MINAR1: variants seen among roughly 807,000 people sequenced by gnomAD.
MINAR1 encodes the protein major intrinsically disordered Notch2-binding receptor 1.
A neutral mutation model predicts 65.1 loss-of-function variants in MINAR1; 40 were observed. The observed-to-expected ratio is 0.61, with a 90% CI of 0.48 to 0.80. The LOEUF (loss-of-function observed/expected upper bound fraction) is 0.80, where lower values mean the gene tolerates loss of function less well. MINAR1 is among the 30% of genes least tolerant of loss of function. The probability of loss-of-function intolerance (pLI) is 0.00; values close to 1 mark genes in which losing one functional copy is unlikely to be tolerated. For missense variants in MINAR1, 1,128 were observed against 1,148.0 expected, an observed-to-expected ratio of 0.98 and a Z score of 0.25; for synonymous variants, 482 against 449.1, an observed-to-expected ratio of 1.07 and a Z score of -0.93.
In MINAR1 at chr15:79,457,041, C is replaced by G. The variant is rs1895449554; in HGVS notation, c.894C>G (p.Pro298=). The G allele has an allele frequency of 6.2e-7, 1 of 1,613,960 alleles. No individual in the cohort carries two copies. Among genetic ancestry groups the G allele is most frequent in the Non-Finnish European group, 8.5e-7 (1 of 1,179,916 alleles). Residue 298 remains proline (P), a synonymous_variant, in exon 2 of 4, where the codon CCC becomes CCG. Transcript: ENST00000305428. The part of the protein sequence containing the change: ...PQSRKEPHKP[P]FFNHSFEMPY... ...GTCGAAAGGAACCCCACAAGCCACC[C>G]TTCTTCAACCACAGCTTTGAAATGC... is the stretch of plus-strand genomic sequence containing the variant.
the MINAR1 span, chr15:79,415,158 G>A: frequency 6.6e-6 from 1 of 152,276 alleles, no homozygotes; most frequent in Non-Finnish European, 1.5e-5. Context: ...CCAGGGTGAG[G>A]GGCCCTGCCA....
chr15:79,466,902 A>G (rs915529243), intron 3 of MINAR1, among the ~76,000 whole-genome samples: 6 of 152,184 alleles, frequency 3.9e-5, no homozygotes, highest in African/African-American at 1.2e-4. Flanking sequence ...CAGGTGTCCA[A>G]TAGGAGCTGG....
At chr15:79,443,877 C>A (rs1301139608) in intron 1 of MINAR1, among the ~76,000 whole-genome samples, 3 of 152,094 alleles carry the variant, frequency 2.0e-5, no homozygotes, top group African/African-American at 7.2e-5. Context: ...TACCAAATTG[C>A]CCTCTAAAGT....
upstream of MINAR1, among the ~76,000 whole-genome samples, chr15:79,428,397 TCTCCCTCC>T (rs1201501061): frequency 1.6e-4 from 13 of 79,598 alleles, no homozygotes; most frequent in South Asian, 7.6e-3. Context: ...CCTCTCCCTC[TCTCCCTCC>T]CTCCCTCCTT....
intron 1 of MINAR1, among the ~76,000 whole-genome samples, chr15:79,454,345 C>T (rs1324469666): frequency 6.6e-6 from 1 of 152,220 alleles, no homozygotes; most frequent in Non-Finnish European, 1.5e-5. Flanking sequence ...GGAGAGAAAG[C>T]TCATTACCTC....
At chr15:79,425,823 C>CACCA in the MINAR1 span, 2 of 152,380 alleles carry the variant, frequency 1.3e-5, no homozygotes, top group African/African-American at 4.8e-5. Flanking sequence ...TTGGTCAGTA[C>CACCA]ACCACACTTT....
In MINAR1 at chr15:79,446,853, T is replaced by C. The variant is rs565834034; in HGVS notation, c.-50-9245T>C. 2.0e-5 allele frequency among the ~76,000 whole-genome samples: 3 copies of C among 152,318 alleles called. No individual in the cohort carries two copies. In the South Asian group the frequency reaches 6.2e-4, roughly 32 times the overall value. ...CTTATCCTTCTATGCTCATGTCTCTTAAGCTTGATTTAATGGTTTTTGTTG... is the reference window on the plus strand; with the variant it reads ...CTTATCCTTCTATGCTCATGTCTCTCAAGCTTGATTTAATGGTTTTTGTTG... On this transcript the variant is annotated intron_variant, in intron 1 of 3. Coordinates refer to ENST00000305428, the MANE Select transcript of MINAR1 (RefSeq NM_015206.3).
Position 79,463,233 on chromosome 15 carries a change from AG to A in MINAR1, c.2467del (p.Val823Ter). 2 of 1,614,216 alleles carry A rather than the reference AG, an allele frequency of 1.2e-6. No individual in the cohort carries two copies. The highest frequency in any genetic ancestry group is 1.7e-6 in the Non-Finnish European group (2 of 1,180,046). On this transcript the variant is annotated frameshift_variant, in exon 3 of 4. Transcript: ENST00000305428. LOFTEE classifies it high-confidence loss of function. ...GACATGCGGCTGACCGAGTTGGCCG[AG>A]GTGAAGCGGGGCCAACCTTCTTGGA... ...YTDMRLTELA[E>X]VKRGQPSWTI...
chr15:79,452,436 C>CTGTG (rs367551688), intron 1 of MINAR1, among the ~76,000 whole-genome samples: 1 of 149,886 alleles, frequency 6.7e-6, no homozygotes, highest in South Asian at 2.1e-4. Flanking sequence ...GTGGGTGAGT[C>CTGTG]TGTGTGAGTG....
chr15:79,436,112 A>T (rs1412927075), intron 1 of MINAR1, among the ~76,000 whole-genome samples: 3 of 152,222 alleles, frequency 2.0e-5, no homozygotes, highest in South Asian at 2.1e-4. Flanking sequence ...GGGATTGAGG[A>T]TGATGTGGAG....
chr15:79,458,124 C>G lies in MINAR1; in HGVS notation c.1977C>G (p.Ala659=), dbSNP rs1327610505. The change falls in exon 2 of 4, where the codon GCC becomes GCG. Residue 659 remains alanine (A), a synonymous_variant. Transcript: ENST00000305428. The part of the protein sequence containing the change: ...LTSEGPSDDS[A]SPRMFHAHSG... ...GCGAGGGTCCGTCTGATGACAGTGC[C>G]TCTCCCCGGATGTTCCACGCACACA... 1 of 1,614,198 alleles carries G rather than the reference C, an allele frequency of 6.2e-7. No homozygotes were observed. Among genetic ancestry groups the G allele is most frequent in the Non-Finnish European group, 8.5e-7 (1 of 1,180,040 alleles).
upstream of MINAR1, among the ~76,000 whole-genome samples, chr15:79,429,583 A>G (rs997385356): frequency 8.5e-5 from 13 of 152,224 alleles, no homozygotes; most frequent in African/African-American, 3.1e-4. Flanking sequence ...TGTCTTCGTG[A>G]TCTGGTGCAC....
chr15:79,429,588 G>T (rs773411760), upstream of MINAR1, among the ~76,000 whole-genome samples: 1 of 152,196 alleles, frequency 6.6e-6, no homozygotes, highest in Non-Finnish European at 1.5e-5. Context: ...TCGTGATCTG[G>T]TGCACAGTCT....
At chr15:79,463,658 T>A in intron 3 of MINAR1, 1 of 529,568 alleles carries the variant, frequency 1.9e-6, no homozygotes. Flanking sequence ...CCAAACTGTT[T>A]AATGAAATAC....
intron 1 of MINAR1, among the ~76,000 whole-genome samples, chr15:79,455,406 T>G (rs1895378707): frequency 6.6e-6 from 1 of 152,238 alleles, no homozygotes; most frequent in African/African-American, 2.4e-5. Flanking sequence ...ATTGAGGTAT[T>G]ATTTATGTAC....
rs772906295 is a variant in MINAR1, at chr15:79,458,432, G to A, written c.2285G>A (p.Arg762Gln). ...CCAGGAGATAATAAAGACTGGCATC[G>A]GAAATCTAAAGAGGTAATTTAAATT... ...TGPGDNKDWH[R>Q]KSKEADRQYD... The change falls in exon 2 of 4, where the codon CGG (arginine) becomes CAG (glutamine). Residue 762 changes from arginine (R) to glutamine (Q), a missense_variant. Coordinates refer to ENST00000305428, the MANE Select transcript of MINAR1 (RefSeq NM_015206.3). 39 of 1,610,376 alleles carry A rather than the reference G, an allele frequency of 2.4e-5. No homozygotes were observed. The highest frequency in any genetic ancestry group is 6.7e-5 in the Admixed American group (4 of 59,514).
At chr15:79,442,730 G>A (rs1048001317) in intron 1 of MINAR1, among the ~76,000 whole-genome samples, 9 of 150,438 alleles carry the variant, frequency 6.0e-5, no homozygotes, top group East Asian at 2.0e-4. Flanking sequence ...GGCAGGTCTC[G>A]GTAAAAGCAG....
In MINAR1 at chr15:79,456,833, A is replaced by T; in HGVS notation, c.686A>T (p.Asp229Val). 1 of 1,613,954 alleles carries T rather than the reference A, an allele frequency of 6.2e-7. No homozygotes were observed. The highest frequency in any genetic ancestry group is 8.5e-7 in the Non-Finnish European group (1 of 1,179,978). Residue 229 changes from aspartate (D) to valine (V), a missense_variant, in exon 2 of 4, where the codon GAC (aspartate) becomes GTC (valine). Transcript: ENST00000305428. ...NIENESISDQ[D>V]SLPINQSIKE... ...GAAAACGAGTCCATTTCAGACCAGG[A>T]CTCCCTGCCCATCAATCAGAGCATC...
chr15:79,425,062 CA>C, the MINAR1 span: 1 of 151,010 alleles, frequency 6.6e-6, no homozygotes, highest in Non-Finnish European at 1.5e-5. Context: ...TTTTTTGAGA[CA>C]GAGTCTCACT....
Sources: gnomAD v4.1 joint callset for allele counts (sites outside exome capture counted in the v4.1 genomes callset) on GRCh38, gnomAD v4.1.1 for gene constraint, MANE v1.5 for transcripts, NCBI Gene and HGNC (gene_info 2026-07-23, HGNC 2026-07-21) for gene names.